Variants in WDR27 observed in about 807,000 individuals in gnomAD.
WDR27 encodes the protein WD repeat domain 27, also known as WD repeat-containing protein 27.
In WDR27, 100 loss-of-function variants were observed where a neutral mutation model predicts 114.4. That is an observed-to-expected ratio of 0.87 (90% CI 0.74 to 1.03). WDR27 has a LOEUF of 1.03. Ranked by LOEUF, WDR27 falls within the 50% of genes least tolerant of loss-of-function variation. The pLI, the probability that WDR27 is intolerant of heterozygous loss-of-function variation, is 0.00. For synonymous variants in WDR27, 449 were observed against 423.1 expected, an observed-to-expected ratio of 1.06 and a Z score of -0.75; for missense variants, 1,129 against 1,092.9, an observed-to-expected ratio of 1.03 and a Z score of -0.47.
chr6:169,626,903 C>T (rs1433003138), intron 21 of WDR27, among the ~76,000 whole-genome samples: 2 of 152,224 alleles, frequency 1.3e-5, no homozygotes, highest in Admixed American at 1.3e-4. Context: ...CACCACTGGG[C>T]AGTGCCTGTG....
chr6:169,644,805 C>T lies in WDR27; in HGVS notation c.1658-1019G>A, dbSNP rs898904008. Reference sequence around the variant, plus strand: ...CGGGCGGATCACGAGGTCAGGAGATCGAGACCATCCCGGCTAAAACGGTGA... The same window carrying T: ...CGGGCGGATCACGAGGTCAGGAGATTGAGACCATCCCGGCTAAAACGGTGA... On this transcript the variant is annotated intron_variant, in intron 16 of 25. Coordinates refer to ENST00000448612, the MANE Select transcript of WDR27 (RefSeq NM_182552.5). Among the ~76,000 whole-genome samples, 2 of 69,472 alleles carry T rather than the reference C, an allele frequency of 2.9e-5. 1 individual carries two copies. The highest frequency in any genetic ancestry group is 5.2e-5 in the Non-Finnish European group (2 of 38,770). The allele number at this position is 69,472 out of a possible 152,430, so 45.6% of individuals were successfully genotyped here. A position where few individuals can be genotyped will look rare whatever the true frequency, so the allele number is the denominator to read the frequency against.
At chr6:169,442,807 G>A in the WDR27 span, among the ~76,000 whole-genome samples, 1 of 152,182 alleles carries the variant, frequency 6.6e-6, no homozygotes, top group Admixed American at 6.5e-5. Flanking sequence ...ACGGATGCAG[G>A]ACGACTGAGC....
At position 169,623,414 on chromosome 6, in the gene WDR27, T is replaced by G. The variant is rs534937871; in HGVS notation, c.2223+9533A>C. ...CCGTCTCTGTGTGAATTACCCTTTC[T>G]CTATTGCAATTCCCCTGTCTTGATC... On this transcript the variant is annotated intron_variant, in intron 21 of 25. Coordinates refer to ENST00000448612, the MANE Select transcript of WDR27 (RefSeq NM_182552.5). Among the ~76,000 whole-genome samples the G allele has an allele frequency of 7.2e-5, 11 of 152,326 alleles. 1 individual carries two copies. The highest frequency in any genetic ancestry group is 2.6e-4 in the African/African-American group (11 of 41,576).
intron 17 of WDR27, 83 bp from the exon 18 acceptor site, chr6:169,638,743 A>G: frequency 5.4e-6 from 8 of 1,493,926 alleles, no homozygotes; most frequent in Non-Finnish European, 7.2e-6. Context: ...GTACTTTCAT[A>G]CAACACAACT....
At chr6:169,632,275 T>A (rs1816618009) in intron 21 of WDR27, among the ~76,000 whole-genome samples, 1 of 152,018 alleles carries the variant, frequency 6.6e-6, no homozygotes, top group African/African-American at 2.4e-5. Context: ...AATACTTCAC[T>A]TGGCAAAATG....
chr6:169,431,842 C>T, the WDR27 span, among the ~76,000 whole-genome samples: 1 of 152,170 alleles, frequency 6.6e-6, no homozygotes, highest in Non-Finnish European at 1.5e-5. Flanking sequence ...AAGATTGTGG[C>T]TTTATATAAA....
At chr6:169,428,289 G>T in the WDR27 span, among the ~76,000 whole-genome samples, 1 of 152,082 alleles carries the variant, frequency 6.6e-6, no homozygotes, top group African/African-American at 2.4e-5. Flanking sequence ...CCCCTAAGTG[G>T]GCTCAAAAGG....
At chr6:169,434,051 G>A in the WDR27 span, among the ~76,000 whole-genome samples, 1 of 152,194 alleles carries the variant, frequency 6.6e-6, no homozygotes, top group Non-Finnish European at 1.5e-5. Flanking sequence ...TATTTACTAT[G>A]ATGATAGTTT....
downstream of WDR27, among the ~76,000 whole-genome samples, chr6:169,454,680 C>A (rs543825725): frequency 5.3e-5 from 8 of 152,332 alleles, no homozygotes; most frequent in Non-Finnish European, 8.8e-5. Context: ...GCTTTGTTGT[C>A]TAAAGAACAT....
At chr6:169,443,859 G>A in the WDR27 span, among the ~76,000 whole-genome samples, 1 of 151,730 alleles carries the variant, frequency 6.6e-6, no homozygotes, top group Non-Finnish European at 1.5e-5. Context: ...CTCCCAAGAG[G>A]TCCAAAACAG....
intron 16 of WDR27, among the ~76,000 whole-genome samples, chr6:169,646,782 G>C: frequency 6.6e-6 from 1 of 151,016 alleles, no homozygotes; most frequent in Non-Finnish European, 1.5e-5. Flanking sequence ...AGAAATGATA[G>C]ATGTCACCCA....
intron 25 of WDR27, among the ~76,000 whole-genome samples, chr6:169,490,969 C>T (rs1048637224): frequency 3.9e-5 from 6 of 152,236 alleles, no homozygotes; most frequent in Middle Eastern, 3.4e-3. Flanking sequence ...TTCAGCCATC[C>T]GTACACCACT....
chr6:169,444,286 A>T, the WDR27 span, among the ~76,000 whole-genome samples: 2 of 152,150 alleles, frequency 1.3e-5, no homozygotes, highest in Non-Finnish European at 2.9e-5. Flanking sequence ...TAACTGCCCT[A>T]TATATGCATC....
Position 169,649,202 on chromosome 6 carries a change from C to T in WDR27, c.1555G>A (p.Ala519Thr), listed in dbSNP as rs372068519. Residue 519 changes from alanine to threonine, a missense_variant, in exon 15 of 26, where the codon GCA becomes ACA. Ala to Thr is a moderately conservative substitution (Grantham distance 58). Transcript: ENST00000448612. The part of the protein sequence containing the change: ...KGSSRSRSSC[A>T]REAYPVECAV... ...AATGCACGCTACATCACACACCGTG[C>T]GCAGCTGCTCCTGCTCCTTGAAGAT... 1.4e-4 allele frequency: 219 copies of T among 1,569,954 alleles called. No individual in the cohort carries two copies. In the South Asian group the frequency reaches 1.5e-3, roughly 11 times the overall value.
intron 24 of WDR27, 29 bp from the exon 25 acceptor site, chr6:169,572,569 A>T (rs1251934062): frequency 1.4e-5 from 2 of 144,654 alleles, no homozygotes; most frequent in African/African-American, 5.0e-5. Context: ...AAAAAAAAAA[A>T]TTAGAAGAAT....
intron 17 of WDR27, among the ~76,000 whole-genome samples, chr6:169,639,089 G>A (rs1405245687): frequency 2.6e-5 from 4 of 150,960 alleles, no homozygotes; most frequent in Admixed American, 6.6e-5. Flanking sequence ...TGAACGCCTC[G>A]GCCAGGCAGT....
At chr6:169,482,756 C>A (rs913562503) in intron 25 of WDR27, among the ~76,000 whole-genome samples, 1 of 152,202 alleles carries the variant, frequency 6.6e-6, no homozygotes, top group Non-Finnish European at 1.5e-5. Flanking sequence ...CCACATGTCA[C>A]ATACTCTGAA....
the WDR27 span, among the ~76,000 whole-genome samples, chr6:169,432,672 A>G: frequency 4.0e-3 from 607 of 152,052 alleles, 4 homozygotes; most frequent in African/African-American, 0.014. Context: ...AGTCAATTAA[A>G]CCTCTTTTTC....
intron 25 of WDR27, among the ~76,000 whole-genome samples, chr6:169,479,919 C>T (rs113555924): frequency 0.013 from 1,991 of 152,322 alleles, 41 homozygotes; most frequent in African/African-American, 0.041. Flanking sequence ...TCCTCGGCTT[C>T]GGCATCCACT....
Sources: gnomAD v4.1 joint callset for allele counts (sites outside exome capture counted in the v4.1 genomes callset) on GRCh38, gnomAD v4.1.1 for gene constraint, MANE v1.5 for transcripts, NCBI Gene and HGNC (gene_info 2026-07-23, HGNC 2026-07-21) for gene names.